ZMIZ1: variants seen among roughly 807,000 people sequenced by gnomAD.
ZMIZ1 encodes the protein zinc finger MIZ-type containing 1.
A neutral mutation model predicts 113.9 loss-of-function variants in ZMIZ1; 17 were observed. The ratio of observed to expected loss-of-function variants is 0.15; its 90% CI spans 0.10 to 0.22. ZMIZ1 has a LOEUF of 0.22. Ranked by LOEUF, ZMIZ1 falls within the 10% of genes least tolerant of loss-of-function variation. ZMIZ1 has a pLI of 1.00. For missense variants in ZMIZ1, 1,059 were observed against 1,477.8 expected, an observed-to-expected ratio of 0.72 and a Z score of 4.65; for synonymous variants, 607 against 603.1, an observed-to-expected ratio of 1.01 and a Z score of -0.09.
intron 1 of ZMIZ1, among the ~76,000 whole-genome samples, chr10:79,114,126 C>A (rs11002825): frequency 0.17 from 26,402 of 152,208 alleles, 2,500 homozygotes; most frequent in Middle Eastern, 0.29. Flanking sequence ...TTCTATCCAG[C>A]GGCAGACTTC....
intron 8 of ZMIZ1, among the ~76,000 whole-genome samples, chr10:79,281,307 G>A (rs919281716): frequency 6.6e-6 from 1 of 152,246 alleles, no homozygotes; most frequent in Non-Finnish European, 1.5e-5. Context: ...AGCAGGGCAG[G>A]ACTAGGGTTC....
chr10:79,086,491 A>G (rs1465930307), intron 1 of ZMIZ1, among the ~76,000 whole-genome samples: 1 of 152,230 alleles, frequency 6.6e-6, no homozygotes, highest in Non-Finnish European at 1.5e-5. Flanking sequence ...TGTTCAGCAT[A>G]TAGAATCCTT....
At chr10:79,093,129 A>AC (rs1843036883) in intron 1 of ZMIZ1, among the ~76,000 whole-genome samples, 4 of 85,670 alleles carry the variant, frequency 4.7e-5, no homozygotes, top group African/African-American at 1.4e-4. Flanking sequence ...CACCCCCCCC[A>AC]CCCCCAACAC....
Position 79,293,449 on chromosome 10 carries a change from G to A in ZMIZ1, c.1026G>A (p.Met342Ile), listed in dbSNP as rs769677626. Reference sequence around the variant, plus strand: ...CCGGGCCGCGGGGGCCTGCCTCCATGGGGGGCAGCATGAACCCCGCGAGCA... The same window carrying A: ...CCGGGCCGCGGGGGCCTGCCTCCATAGGGGGCAGCATGAACCCCGCGAGCA... ...NQPGPRGPAS[M>I]GGSMNPASMA... Residue 342 changes from methionine (M) to isoleucine (I), a missense_variant, in exon 12 of 25, where the codon ATG becomes ATA. Physicochemically the swap from Met to Ile is conservative, Grantham distance 10 (BLOSUM62 1). Transcript: ENST00000334512. 3.9e-6 allele frequency: 6 copies of A among 1,541,198 alleles called. No individual in the cohort carries two copies. In the East Asian group the frequency reaches 1.1e-4, roughly 29 times the overall value.
intron 6 of ZMIZ1, among the ~76,000 whole-genome samples, chr10:79,214,344 C>G (rs1330857094): frequency 6.6e-6 from 1 of 152,172 alleles, no homozygotes; most frequent in African/African-American, 2.4e-5. Context: ...AGCATCCTAA[C>G]CTAACAACAT....
chr10:79,187,547 G>A (rs74895462), intron 4 of ZMIZ1, among the ~76,000 whole-genome samples: 3,358 of 152,266 alleles, frequency 0.022, 110 homozygotes, highest in African/African-American at 0.077. Context: ...GTGGGCTCCC[G>A]GAAAGCTCAG....
chr10:79,168,895 G>A (rs1306645560), intron 4 of ZMIZ1, among the ~76,000 whole-genome samples: 2 of 152,170 alleles, frequency 1.3e-5, no homozygotes, highest in African/African-American at 2.4e-5. Context: ...ACTGGTTAAC[G>A]GAGAGCAGGA....
intron 4 of ZMIZ1, among the ~76,000 whole-genome samples, chr10:79,198,152 G>A (rs1435186532): frequency 2.0e-5 from 3 of 152,118 alleles, no homozygotes; most frequent in East Asian, 1.9e-4. Flanking sequence ...CCAGCTACTC[G>A]GGAGGCTGAG....
At chr10:79,254,972 G>A (rs921320576) in intron 7 of ZMIZ1, among the ~76,000 whole-genome samples, 2 of 152,206 alleles carry the variant, frequency 1.3e-5, no homozygotes, top group African/African-American at 4.8e-5. Context: ...AGCTGCCCAC[G>A]ACAGCTGGTG....
intron 1 of ZMIZ1, among the ~76,000 whole-genome samples, chr10:79,071,684 GCTGACCTTTCC>G (rs1311637308): frequency 6.6e-6 from 1 of 152,114 alleles, no homozygotes; most frequent in Non-Finnish European, 1.5e-5. Context: ...CAAGCCTTGG[GCTGACCTTTCC>G]CTCTTCAAGT....
Position 79,299,045 on chromosome 10 carries a change from C to A in ZMIZ1, c.1667-5C>A. 6.2e-7 allele frequency: 1 copy of A among 1,605,634 alleles called. No individual in the cohort carries two copies. The highest frequency in any genetic ancestry group is 8.5e-7 in the Non-Finnish European group (1 of 1,175,926). ...TGGCTCACCCACCTCCTCTCCTCGC[C>A]CCAGCCAACCACAATGACGAGCTGC... On this transcript the variant is annotated splice_polypyrimidine_tract_variant and splice_region_variant and intron_variant, in intron 15 of 24. Coordinates refer to ENST00000334512, the MANE Select transcript of ZMIZ1 (RefSeq NM_020338.4).
At chr10:79,244,871 GC>G (rs1397024235) in intron 7 of ZMIZ1, among the ~76,000 whole-genome samples, 1 of 152,208 alleles carries the variant, frequency 6.6e-6, no homozygotes, top group Non-Finnish European at 1.5e-5. Flanking sequence ...CAGTTATGGG[GC>G]TCTGGGCCTG....
chr10:79,303,852 C>G (rs544656127), intron 18 of ZMIZ1, among the ~76,000 whole-genome samples, 163 bp from the exon 19 acceptor site: 2 of 152,246 alleles, frequency 1.3e-5, no homozygotes, highest in Non-Finnish European at 2.9e-5. Flanking sequence ...GGCCCTGTGA[C>G]TGCCACACAG....
intron 4 of ZMIZ1, among the ~76,000 whole-genome samples, chr10:79,167,598 G>T (rs1489864960): frequency 6.6e-6 from 1 of 152,144 alleles, no homozygotes; most frequent in Non-Finnish European, 1.5e-5. Context: ...TAGAGGAAAG[G>T]CGATGTGAGC....
At chr10:79,284,433 C>T (rs970502716) in intron 8 of ZMIZ1, among the ~76,000 whole-genome samples, 5 of 152,096 alleles carry the variant, frequency 3.3e-5, no homozygotes, top group Admixed American at 2.6e-4. Flanking sequence ...GCTTGAGAAG[C>T]ACATTTTTTC....
chr10:79,215,012 G>A (rs1324583443), intron 6 of ZMIZ1, among the ~76,000 whole-genome samples: 7 of 151,644 alleles, frequency 4.6e-5, no homozygotes, highest in African/African-American at 1.2e-4. Context: ...CCAGTCTGCC[G>A]CCTCTCACCC....
rs182473270 is a variant in ZMIZ1 at position 79,138,327 on chromosome 10, C to T, written c.-226-1355C>T. On this transcript the variant is annotated intron_variant, in intron 2 of 24. Coordinates refer to ENST00000334512, the MANE Select transcript of ZMIZ1 (RefSeq NM_020338.4). The stretch of plus-strand genomic sequence containing the variant: ...TCCAGATCTACCTAGAAAGGGGATT[C>T]GCCTTCTGGCCTCTGTGGACCCACT... 2.6e-3 allele frequency among the ~76,000 whole-genome samples: 397 copies of T among 152,330 alleles called. 1 individual carries two copies. The highest frequency in any genetic ancestry group is 8.6e-3 in the African/African-American group (358 of 41,566).
chr10:79,316,455 T>C lies in ZMIZ1; in HGVS notation c.*3706T>C, dbSNP rs1200241920. On this transcript the variant is annotated 3_prime_UTR_variant, in exon 25 of 25. Coordinates refer to ENST00000334512, the MANE Select transcript of ZMIZ1 (RefSeq NM_020338.4). ...TATTGCTAGACATTTCTATACTCTG[T>C]TGTAACACTGAGGTATCTCATTTGC... 8.5e-5 allele frequency: 13 copies of C among 152,808 alleles called. 1 individual carries two copies. Among genetic ancestry groups the C allele is most frequent in the Non-Finnish European group, 1.9e-4 (13 of 68,052 alleles). The allele number at this position is 152,808 out of a possible 1,614,324, so 9.5% of individuals were successfully genotyped here. A position where few individuals can be genotyped will look rare whatever the true frequency, so the allele number is the denominator to read the frequency against.
intron 2 of ZMIZ1, among the ~76,000 whole-genome samples, chr10:79,123,350 C>T (rs1844378955): frequency 6.6e-6 from 1 of 152,150 alleles, no homozygotes; most frequent in South Asian, 2.1e-4. Context: ...CTCTGTGCCC[C>T]ATTTCCTCAT....
Sources: gnomAD v4.1 joint callset for allele counts (sites outside exome capture counted in the v4.1 genomes callset) on GRCh38, gnomAD v4.1.1 for gene constraint, MANE v1.5 for transcripts, NCBI Gene and HGNC (gene_info 2026-07-23, HGNC 2026-07-21) for gene names.